The following NRXN1 variants were observed in gnomAD, a reference collection of about 807,000 sequenced individuals.
NRXN1 encodes neurexin 1.
In NRXN1, 39 loss-of-function variants were observed where a neutral mutation model predicts 150.9. The observed-to-expected ratio is 0.26, with a 90% CI of 0.20 to 0.34. The LOEUF (loss-of-function observed/expected upper bound fraction) is 0.34. NRXN1 is among the 10% of genes least tolerant of loss of function. The probability of loss-of-function intolerance (pLI) is 1.00; values close to 1 mark genes in which losing one functional copy is unlikely to be tolerated. For synonymous variants in NRXN1, 924 were observed against 757.0 expected (o/e 1.22, Z -3.62); for missense variants, 1,815 against 1,949.9 (o/e 0.93, Z 1.30).
At chr2:50,354,544 A>G (rs1018933556) in intron 17 of NRXN1, among the ~76,000 whole-genome samples, 3 of 109,254 alleles carry the variant, frequency 2.7e-5, no homozygotes, top group Admixed American at 2.1e-4. Context: ...CTTAGCGTCT[A>G]GAGTGCATAC....
chr2:51,029,512 G>C (rs1388340971), intron 1 of NRXN1, among the ~76,000 whole-genome samples: 1 of 152,184 alleles, frequency 6.6e-6, no homozygotes, highest in Non-Finnish European at 1.5e-5. Context: ...AAATATGTGA[G>C]GGGAGAACAA....
chr2:50,206,495 C>G (rs1425375833), intron 18 of NRXN1, among the ~76,000 whole-genome samples: 1 of 151,958 alleles, frequency 6.6e-6, no homozygotes, highest in African/African-American at 2.4e-5. Context: ...CATTATATCC[C>G]TTTGGAGAGC....
intron 10 of NRXN1, among the ~76,000 whole-genome samples, chr2:50,537,211 A>C (rs1184138961): frequency 6.6e-6 from 1 of 152,224 alleles, no homozygotes; most frequent in African/African-American, 2.4e-5. Context: ...GGGAAACAAT[A>C]AATATTCATA....
chr2:50,217,420 C>T (rs908932577), intron 18 of NRXN1, among the ~76,000 whole-genome samples: 1 of 151,958 alleles, frequency 6.6e-6, no homozygotes, highest in Non-Finnish European at 1.5e-5. Context: ...AGTTGAGAAA[C>T]TAAGTGATTA....
intron 5 of NRXN1, among the ~76,000 whole-genome samples, chr2:50,664,553 A>G (rs72885683): frequency 0.026 from 3,996 of 151,814 alleles, 183 homozygotes; most frequent in African/African-American, 0.091. Flanking sequence ...ATGTGGAACC[A>G]AAGGCAAAGC....
At chr2:50,534,653 C>T (rs187826651) in intron 10 of NRXN1, among the ~76,000 whole-genome samples, 3 of 152,122 alleles carry the variant, frequency 2.0e-5, no homozygotes, top group East Asian at 1.9e-4. Flanking sequence ...AACAAGCACC[C>T]GAATAAAAGT....
intron 5 of NRXN1, among the ~76,000 whole-genome samples, chr2:50,752,848 C>T (rs1020647635): frequency 6.6e-6 from 1 of 151,824 alleles, no homozygotes; most frequent in Admixed American, 6.6e-5. Context: ...TGGTGATTTC[C>T]CGTTCTCTGC....
intron 8 of NRXN1, among the ~76,000 whole-genome samples, chr2:50,561,734 G>C (rs916676069): frequency 2.0e-5 from 3 of 152,142 alleles, no homozygotes; most frequent in African/African-American, 4.8e-5. Context: ...ATAATAAGTT[G>C]ATTTTCACAG....
At chr2:51,004,001 A>T (rs919263560) in intron 2 of NRXN1, among the ~76,000 whole-genome samples, 4 of 151,518 alleles carry the variant, frequency 2.6e-5, no homozygotes, top group Admixed American at 2.6e-4. Flanking sequence ...TTCGCTCTTT[A>T]TCCTGGATGT....
intron 5 of NRXN1, among the ~76,000 whole-genome samples, chr2:50,691,388 C>G (rs1692045657): frequency 6.6e-6 from 1 of 152,080 alleles, no homozygotes; most frequent in African/African-American, 2.4e-5. Flanking sequence ...TCAGACTGAC[C>G]TGGTATCTCA....
At chr2:50,211,039 C>T (rs935297681) in intron 18 of NRXN1, among the ~76,000 whole-genome samples, 1 of 151,552 alleles carries the variant, frequency 6.6e-6, no homozygotes, top group African/African-American at 2.4e-5. Context: ...TTTGAATAAT[C>T]TCTATCCATT....
intron 12 of NRXN1, among the ~76,000 whole-genome samples, chr2:50,526,124 A>G (rs2092945347): frequency 6.6e-6 from 1 of 152,220 alleles, no homozygotes; most frequent in African/African-American, 2.4e-5. Context: ...GGGTAGGGAA[A>G]GAGAAAATGA....
chr2:50,946,815 A>G (rs1230632246), intron 2 of NRXN1, among the ~76,000 whole-genome samples: 1 of 152,220 alleles, frequency 6.6e-6, no homozygotes, highest in Non-Finnish European at 1.5e-5. Context: ...CACTATCAAG[A>G]CACAGTGACT....
At chr2:50,409,394 G>C (rs2082987366) in intron 17 of NRXN1, among the ~76,000 whole-genome samples, 1 of 152,182 alleles carries the variant, frequency 6.6e-6, no homozygotes, top group Non-Finnish European at 1.5e-5. Flanking sequence ...GGCTTCTAGT[G>C]GTCTTGGGAC....
chr2:50,034,685 T>A (rs1490418182), intron 21 of NRXN1, among the ~76,000 whole-genome samples: 1 of 152,030 alleles, frequency 6.6e-6, no homozygotes, highest in Non-Finnish European at 1.5e-5. Context: ...TCATAGTAGG[T>A]GTTTTACAAA....
At chr2:50,555,058 A>T (rs1353418262) in intron 8 of NRXN1, among the ~76,000 whole-genome samples, 1 of 152,188 alleles carries the variant, frequency 6.6e-6, no homozygotes, top group East Asian at 1.9e-4. Context: ...CTTTTCAAGG[A>T]TGATTTTCCA....
At chr2:49,960,751 A>C (rs1046206746) in intron 21 of NRXN1, among the ~76,000 whole-genome samples, 1 of 152,194 alleles carries the variant, frequency 6.6e-6, no homozygotes, top group Non-Finnish European at 1.5e-5. Context: ...TGCAAAAAAC[A>C]TCATTTTATC....
At chr2:50,235,717 AAGG>A (rs1249402729) in intron 18 of NRXN1, among the ~76,000 whole-genome samples, 1 of 152,052 alleles carries the variant, frequency 6.6e-6, no homozygotes, top group Non-Finnish European at 1.5e-5. Flanking sequence ...GCACTGATAG[AAGG>A]AGAACTTATA....
At chr2:50,991,374 T>G (rs1419708751) in intron 2 of NRXN1, among the ~76,000 whole-genome samples, 1 of 152,066 alleles carries the variant, frequency 6.6e-6, no homozygotes, top group African/African-American at 2.4e-5. Context: ...AAGATCCAAC[T>G]GCAGTAGTAC....
Sources: allele counts gnomAD v4.1 joint callset (sites outside exome capture counted in the v4.1 genomes callset), GRCh38; gene constraint gnomAD v4.1.1; transcripts MANE v1.5; gene names NCBI Gene and HGNC (gene_info 2026-07-23, HGNC 2026-07-21).